GPKOW: variants seen among roughly 807,000 people sequenced by gnomAD.
GPKOW encodes the protein G-patch domain and KOW motifs-containing protein.
For synonymous variants in GPKOW, 167 were observed against 159.1 expected (o/e 1.05, Z -0.37); for missense variants, 359 against 404.7 (o/e 0.89, Z 0.97).
rs370251396 is a variant in GPKOW at position 49,122,498 on chromosome X, C to A, written c.356G>T (p.Arg119Ile). 1 of 1,206,035 alleles carries A rather than the reference C, an allele frequency of 8.3e-7. No homozygotes were observed. Among genetic ancestry groups the A allele is most frequent in the African/African-American group, 1.7e-5 (1 of 57,315 alleles). ...CGTGGGGTCGACACCCGCATTCTCTCTCTCTTCCAGAGACTTCTTGGATTC... is the reference window on the plus strand; with the variant it reads ...CGTGGGGTCGACACCCGCATTCTCTATCTCTTCCAGAGACTTCTTGGATTC... Reference protein sequence around the residue: ...IAESKKSLEERENAGVDPTLA... With the variant: ...IAESKKSLEEIENAGVDPTLA... Residue 119 changes from arginine to isoleucine, a missense_variant, in exon 3 of 11, where the codon AGA (arginine) becomes ATA (isoleucine). Arg to Ile is a moderately conservative substitution (Grantham distance 97). Transcript: ENST00000156109.
intron 3 of GPKOW, 77 bp downstream of exon 3, chrX:49,122,307 ACACAGACTTTCCCT>A: frequency 1.2e-6 from 1 of 829,812 alleles, no homozygotes; most frequent in East Asian, 3.6e-5. Flanking sequence ...TCTAGCACAC[ACACAGACTTTCCCT>A]GCTACGTGCA....
Position 49,114,797 on chromosome X carries a change from C to T in GPKOW, c.1211-859G>A, listed in dbSNP as rs1557089958. Among the ~76,000 whole-genome samples, 12 of 103,533 alleles carry T rather than the reference C, an allele frequency of 1.2e-4. No individual in the cohort carries two copies. In the South Asian group the frequency reaches 3.6e-3, roughly 31 times the overall value. The allele number at this position is 103,533 out of a possible 115,157, so 89.9% of individuals were successfully genotyped here. A position where few individuals can be genotyped will look rare whatever the true frequency, so the allele number is the denominator to read the frequency against. ...AAAATTAGCTGGGTGTGGTAGCGGG[C>T]ACCTGTAGTTCCAGCTACTCAGGAG... On this transcript the variant is annotated intron_variant, in intron 9 of 10. Transcript: ENST00000156109.
chrX:49,115,667 G>A, intron 9 of GPKOW, 59 bp downstream of exon 9: 1 of 1,003,679 alleles, frequency 1.0e-6, no homozygotes, highest in Non-Finnish European at 1.4e-6. Context: ...GCCTGGGCCA[G>A]GCTCTGGGCC....
chrX:49,117,535 G>T, intron 5 of GPKOW, 62 bp downstream of exon 5: 1 of 825,974 alleles, frequency 1.2e-6, no homozygotes, highest in Non-Finnish European at 1.8e-6. Context: ...TCCTCCATCT[G>T]ACCCTCGGAT....
chrX:49,123,391 C>A (rs2065220268), intron 1 of GPKOW, among the ~76,000 whole-genome samples, 156 bp downstream of exon 1: 1 of 112,421 alleles, frequency 8.9e-6, no homozygotes, highest in Admixed American at 9.5e-5. Context: ...TCCTCACCCC[C>A]TCCTATAAAC....
At chrX:49,117,533 C>T in intron 5 of GPKOW, 64 bp downstream of exon 5, 6 of 822,529 alleles carry the variant, frequency 7.3e-6, no homozygotes, top group Non-Finnish European at 1.1e-5. Context: ...ATTCCTCCAT[C>T]TGACCCTCGG....
Position 49,117,584 on chromosome X carries a change from C to G in GPKOW, c.780+13G>C. The G allele has an allele frequency of 8.5e-7, 1 of 1,177,124 alleles. No individual in the cohort carries two copies. Among genetic ancestry groups the G allele is most frequent in the Non-Finnish European group, 1.2e-6 (1 of 864,097 alleles). On this transcript the variant is annotated intron_variant, in intron 5 of 10. Coordinates refer to ENST00000156109, the MANE Select transcript of GPKOW (RefSeq NM_015698.6). ...TGCCTGTTTTGGGCTCCCGGGATAT[C>G]TTGGTTCCTTACCTTCCCATAGAGG...
At chrX:49,119,192 C>T (rs1557090730) in intron 4 of GPKOW, among the ~76,000 whole-genome samples, 1 of 109,565 alleles carries the variant, frequency 9.1e-6, no homozygotes, top group African/African-American at 3.3e-5. Context: ...CTCCTGACCT[C>T]GTGATCCACC....
intron 3 of GPKOW, among the ~76,000 whole-genome samples, chrX:49,122,098 C>T (rs2065214784): frequency 8.9e-6 from 1 of 112,316 alleles, no homozygotes; most frequent in Admixed American, 9.5e-5. Context: ...CATTCCACTT[C>T]AGTCACACTG....
intron 4 of GPKOW, 39 bp from the exon 5 acceptor site, chrX:49,117,849 C>T (rs1557090495): frequency 1.2e-6 from 1 of 850,313 alleles, no homozygotes; most frequent in Admixed American, 3.1e-5. Context: ...GAGGATGCAA[C>T]AGTCTTCAAC....
chrX:49,122,554 C>T (rs2147843092), intron 2 of GPKOW, 32 bp from the exon 3 acceptor site: 3 of 1,206,275 alleles, frequency 2.5e-6, no homozygotes, highest in Non-Finnish European at 3.4e-6. Flanking sequence ...GCAATGAAGT[C>T]CCACTCTATC....
intron 6 of GPKOW, 111 bp downstream of exon 6, chrX:49,116,919 G>A: frequency 3.4e-6 from 2 of 591,544 alleles, no homozygotes; most frequent in Non-Finnish European, 2.7e-6. Context: ...TATCTGCCAG[G>A]CACACTGCTG....
intron 9 of GPKOW, among the ~76,000 whole-genome samples, chrX:49,114,953 A>T (rs2065186885): frequency 1.2e-5 from 1 of 83,438 alleles, no homozygotes; most frequent in Non-Finnish European, 2.4e-5. Context: ...AAAAAAAAAA[A>T]AGAAGGGCCT....
chrX:49,113,543 C>T lies in GPKOW; in HGVS notation c.*78G>A, dbSNP rs2065179276. On this transcript the variant is annotated 3_prime_UTR_variant, in exon 11 of 11. Transcript: ENST00000156109. ...CAGAAGTAGAGGATGGAACAATGAT[C>T]TTCCCACCTTCTGAAGGCAACTTTC... 3 of 983,728 alleles carry T rather than the reference C, an allele frequency of 3.0e-6. No homozygotes were observed. The highest frequency in any genetic ancestry group is 1.9e-5 in the African/African-American group (1 of 52,796). 81.1% of individuals were successfully genotyped at this position (983,728 alleles called of 1,213,427 possible). A position where few individuals can be genotyped will look rare whatever the true frequency, so the allele number is the denominator to read the frequency against.
Position 49,113,574 on chromosome X carries a change from TG to T in GPKOW, c.*46del. 1 of 1,169,527 alleles carries T rather than the reference TG, an allele frequency of 8.6e-7. No individual in the cohort carries two copies. Among genetic ancestry groups the T allele is most frequent in the Non-Finnish European group, 1.2e-6 (1 of 858,338 alleles). ...ACCTTCTGAAGGCAACTTTCTCATA[TG>T]GTACAGAACTGGTACCAGCCTGGGG... On this transcript the variant is annotated 3_prime_UTR_variant, in exon 11 of 11. Coordinates refer to ENST00000156109, the MANE Select transcript of GPKOW (RefSeq NM_015698.6).
chrX:49,113,496 T>C lies in GPKOW; in HGVS notation c.*125A>G. ...TACTGGTTCACCCATCCCTTTCCCT[T>C]GTCCTTGTCCCAGGACTGCACCAGA... On this transcript the variant is annotated 3_prime_UTR_variant, in exon 11 of 11. Transcript: ENST00000156109. 2 of 670,388 alleles carry C rather than the reference T, an allele frequency of 3.0e-6. No homozygotes were observed. The highest frequency in any genetic ancestry group is 4.6e-6 in the Non-Finnish European group (2 of 431,423). 55.2% of individuals were successfully genotyped at this position (670,388 alleles called of 1,213,427 possible).
chrX:49,116,924 C>T lies in GPKOW; in HGVS notation c.913+106G>A, dbSNP rs782070799. On this transcript the variant is annotated intron_variant, in intron 6 of 10. Transcript: ENST00000156109. ...TTGGAAGTCATATCTGCCAGGCACA[C>T]TGCTGCCCCTCCCTGCTGCAGATCT... is the stretch of plus-strand genomic sequence containing the variant. 4 of 645,613 alleles carry T rather than the reference C, an allele frequency of 6.2e-6. No homozygotes were observed. In the East Asian group the frequency reaches 9.9e-5, roughly 16 times the overall value. The allele number at this position is 645,613 out of a possible 1,213,427, so 53.2% of individuals were successfully genotyped here. A position where few individuals can be genotyped will look rare whatever the true frequency, so the allele number is the denominator to read the frequency against.
chrX:49,122,286 G>T, intron 3 of GPKOW, 112 bp downstream of exon 3: 1 of 585,823 alleles, frequency 1.7e-6, no homozygotes, highest in Non-Finnish European at 2.5e-6. Flanking sequence ...AGAAGGGGCA[G>T]GTGGCGGGCC....
Position 49,117,748 on chromosome X carries a change from G to A in GPKOW, c.629C>T (p.Thr210Ile), listed in dbSNP as rs1557090474. The part of the protein sequence containing the change: ...PKGLGLGANL[T>I]EAQALTPTGP... The stretch of plus-strand genomic sequence containing the variant: ...AGTGGGGGTCAAGGCCTGGGCCTCG[G>A]TCAGGTTGGCACCCAGCCCTAACCC... The change falls in exon 5 of 11, where the codon ACC becomes ATC. Residue 210 changes from threonine to isoleucine, a missense_variant. Thr to Ile is a moderately conservative substitution (Grantham distance 89). Coordinates refer to ENST00000156109, the MANE Select transcript of GPKOW (RefSeq NM_015698.6). The A allele has an allele frequency of 1.7e-6, 2 of 1,209,786 alleles. No homozygotes were observed. Among genetic ancestry groups the A allele is most frequent in the Non-Finnish European group, 2.2e-6 (2 of 893,964 alleles).
Sources: gnomAD v4.1 joint callset for allele counts (sites outside exome capture counted in the v4.1 genomes callset) on GRCh38, gnomAD v4.1.1 for gene constraint, MANE v1.5 for transcripts, NCBI Gene and HGNC (gene_info 2026-07-23, HGNC 2026-07-21) for gene names.